Variants in XRCC1 observed in about 807,000 individuals in gnomAD.
The protein encoded by XRCC1 is DNA repair protein XRCC1.
XRCC1 carries 52 observed loss-of-function variants against 83.3 expected under a neutral mutation model. That is an observed-to-expected ratio of 0.62 (90% CI 0.50 to 0.79). XRCC1 has a LOEUF of 0.79. Ranked by LOEUF, XRCC1 falls within the 30% of genes least tolerant of loss-of-function variation. The pLI, the probability that XRCC1 is intolerant of heterozygous loss-of-function variation, is 0.00. For synonymous variants in XRCC1, 281 were observed against 312.6 expected, an observed-to-expected ratio of 0.90 and a Z score of 1.07; for missense variants, 793 against 823.5, an observed-to-expected ratio of 0.96 and a Z score of 0.45.
In XRCC1 at chr19:43,546,739, G is replaced by T. The variant is rs777006541; in HGVS notation, c.1294-12C>A. On this transcript the variant is annotated splice_polypyrimidine_tract_variant and intron_variant, in intron 11 of 16. Coordinates refer to ENST00000262887, the MANE Select transcript of XRCC1 (RefSeq NM_006297.3). ...TTGGTCTGGGGTTGCTAAGGAGGGAGAGTGGGTGGGTGAGGAGGGCAGGAA... is the reference window on the plus strand; with the variant it reads ...TTGGTCTGGGGTTGCTAAGGAGGGATAGTGGGTGGGTGAGGAGGGCAGGAA... 6.2e-7 allele frequency: 1 copy of T among 1,604,766 alleles called. No individual in the cohort carries two copies. Among genetic ancestry groups the T allele is most frequent in the Middle Eastern group, 1.7e-4 (1 of 6,018 alleles).
intron 10 of XRCC1, among the ~76,000 whole-genome samples, chr19:43,548,128 C>G (rs1194540770): frequency 6.8e-6 from 1 of 147,818 alleles, no homozygotes; most frequent in Admixed American, 6.7e-5. Flanking sequence ...AGCCCCCGCC[C>G]GGCCAGCCGC....
intron 2 of XRCC1, among the ~76,000 whole-genome samples, chr19:43,567,802 C>T (rs1022550337): frequency 1.3e-5 from 2 of 151,860 alleles, no homozygotes; most frequent in African/African-American, 4.8e-5. Flanking sequence ...CTGAAACAAA[C>T]ATGGCACAGG....
At position 43,574,995 on chromosome 19, in the gene XRCC1, C is replaced by T; in HGVS notation, c.59G>A (p.Cys20Tyr). 6.2e-7 allele frequency: 1 copy of T among 1,613,982 alleles called. No homozygotes were observed. Residue 20 changes from cysteine to tyrosine, a missense_variant, in exon 2 of 17, where the codon TGT (cysteine) becomes TAT (tyrosine). By Grantham distance (194) the Cys-to-Tyr change is radical. Transcript: ENST00000262887. ...GTCTGCCTTGAGAAGATTTTCTGCACAGTGAGTCTGGAAACAACAGTGGGA... is the reference window on the plus strand; with the variant it reads ...GTCTGCCTTGAGAAGATTTTCTGCATAGTGAGTCTGGAAACAACAGTGGGA... ...VSCSSQDSTH[C>Y]AENLLKADTY...
chr19:43,570,503 G>A (rs1299111116), intron 2 of XRCC1, among the ~76,000 whole-genome samples: 1 of 152,196 alleles, frequency 6.6e-6, no homozygotes, highest in Non-Finnish European at 1.5e-5. Context: ...CACAGATGTG[G>A]CCAGGTGCAG....
chr19:43,554,237 G>C (rs1018229345), intron 4 of XRCC1, among the ~76,000 whole-genome samples: 1 of 152,174 alleles, frequency 6.6e-6, no homozygotes, highest in African/African-American at 2.4e-5. Flanking sequence ...CAGCAACCCT[G>C]TAAGGATCAG....
chr19:43,560,181 G>C (rs1972682424), intron 3 of XRCC1, among the ~76,000 whole-genome samples: 1 of 151,956 alleles, frequency 6.6e-6, no homozygotes, highest in South Asian at 2.1e-4. Context: ...ACGAGGTCAG[G>C]AGTTCGAGAC....
intron 2 of XRCC1, among the ~76,000 whole-genome samples, chr19:43,562,966 C>T (rs1317313534): frequency 6.6e-6 from 1 of 152,228 alleles, no homozygotes; most frequent in Non-Finnish European, 1.5e-5. Context: ...GGTTATGTAA[C>T]TTCACAGCTG....
At chr19:43,547,344 C>T (rs907566732) in intron 10 of XRCC1, among the ~76,000 whole-genome samples, 2 of 151,972 alleles carry the variant, frequency 1.3e-5, no homozygotes, top group Admixed American at 1.3e-4. Flanking sequence ...CACCACCATG[C>T]CCCGCCAACT....
At position 43,543,720 on chromosome 19, in the gene XRCC1, C is replaced by T. The variant is rs201716846; in HGVS notation, c.1713-33G>A. On this transcript the variant is annotated intron_variant, in intron 15 of 16. Transcript: ENST00000262887. ...GAGAGAAGAAAAGAGGTAGAAGGCA[C>T]ATCAGGGAATCAGCACTGACGTCCT... The T allele has an allele frequency of 2.7e-4, 438 of 1,605,360 alleles. 1 individual carries two copies. Among genetic ancestry groups the T allele is most frequent in the South Asian group, 4.5e-4 (41 of 90,856 alleles).
chr19:43,548,812 C>A (rs1335251929), intron 10 of XRCC1, among the ~76,000 whole-genome samples: 13 of 141,734 alleles, frequency 9.2e-5, no homozygotes, highest in Non-Finnish European at 4.6e-5. Flanking sequence ...TTGACACTTA[C>A]ATGGGACTTC....
At chr19:43,551,961 AC>A in intron 9 of XRCC1, 55 bp downstream of exon 9, 1 of 1,583,594 alleles carries the variant, frequency 6.3e-7, no homozygotes, top group Non-Finnish European at 8.7e-7. Context: ...GGTGGAGGAG[AC>A]ACAGGGAGCT....
chr19:43,558,289 C>T (rs1291520995), intron 3 of XRCC1, among the ~76,000 whole-genome samples: 1 of 151,336 alleles, frequency 6.6e-6, no homozygotes, highest in South Asian at 2.1e-4. Context: ...GAGCTGAGAT[C>T]GTGCCACTGC....
At chr19:43,559,642 T>A (rs1218373869) in intron 3 of XRCC1, among the ~76,000 whole-genome samples, 1 of 151,968 alleles carries the variant, frequency 6.6e-6, no homozygotes, top group African/African-American at 2.4e-5. Context: ...GAATAACAGC[T>A]CCTCAAAGAT....
intron 12 of XRCC1, 111 bp downstream of exon 12, chr19:43,546,484 G>A: frequency 7.8e-7 from 1 of 1,275,398 alleles, no homozygotes; most frequent in Non-Finnish European, 1.1e-6. Flanking sequence ...CTCAGACTCA[G>A]GAGTCCAGGC....
Position 43,552,969 on chromosome 19 carries a change from C to T in XRCC1, c.711+13G>A. ...CTCTCCTCCTCCACCCCACCAAAGT[C>T]TGATGATTTCACCTTGGAGGTGCTG... On this transcript the variant is annotated intron_variant, in intron 7 of 16. Transcript: ENST00000262887. 2 of 1,606,776 alleles carry T rather than the reference C, an allele frequency of 1.2e-6. No homozygotes were observed. Among genetic ancestry groups the T allele is most frequent in the Non-Finnish European group, 1.7e-6 (2 of 1,176,972 alleles).
At chr19:43,569,607 A>AACCTGT (rs1169313719) in intron 2 of XRCC1, among the ~76,000 whole-genome samples, 1 of 152,114 alleles carries the variant, frequency 6.6e-6, no homozygotes, top group Admixed American at 6.6e-5. Context: ...ACATGGTGAA[A>AACCTGT]ACCTGTCTCT....
At chr19:43,567,041 A>C (rs2146068477) in intron 2 of XRCC1, among the ~76,000 whole-genome samples, 1 of 152,332 alleles carries the variant, frequency 6.6e-6, no homozygotes, top group African/African-American at 2.4e-5. Flanking sequence ...TGAACCTCAG[A>C]AACATTATGC....
In XRCC1 at chr19:43,551,890, GA is replaced by G. The variant is rs919928068; in HGVS notation, c.1082+126del. ...AGACAAAGGCTACAGAATGCAGTGA[GA>G]AAGAAAGCAAGTGAGAGAGAGAGAA... On this transcript the variant is annotated intron_variant, in intron 9 of 16. Transcript: ENST00000262887. The G allele has an allele frequency of 5.1e-5, 61 of 1,201,780 alleles. No individual in the cohort carries two copies. In the Admixed American group the frequency reaches 8.7e-4, roughly 17 times the overall value. 74.4% of individuals were successfully genotyped at this position (1,201,780 alleles called of 1,614,324 possible). A position where few individuals can be genotyped will look rare whatever the true frequency, so the allele number is the denominator to read the frequency against.
chr19:43,564,657 G>A (rs540515982), intron 2 of XRCC1, among the ~76,000 whole-genome samples: 179 of 152,004 alleles, frequency 1.2e-3, no homozygotes, highest in Non-Finnish European at 2.1e-3. Context: ...GCGTGGTGGC[G>A]CATGCCTGTA....
Sources: gnomAD v4.1 joint callset for allele counts (sites outside exome capture counted in the v4.1 genomes callset) on GRCh38, gnomAD v4.1.1 for gene constraint, MANE v1.5 for transcripts, NCBI Gene and HGNC (gene_info 2026-07-23, HGNC 2026-07-21) for gene names.